GABRA3: variants seen among roughly 807,000 people sequenced by gnomAD.
GABRA3 encodes the protein gamma-aminobutyric acid receptor subunit alpha-3.
In GABRA3, 10 loss-of-function variants were observed where a neutral mutation model predicts 30.1. The observed-to-expected ratio is 0.33, with a 90% CI of 0.20 to 0.56. GABRA3 has a LOEUF of 0.56. Among genes scored for constraint, GABRA3 ranks in the 20% least tolerant of loss-of-function variants. The pLI, the probability that GABRA3 is intolerant of heterozygous loss-of-function variation, is 0.89. For synonymous variants in GABRA3, 151 were observed against 146.8 expected, an observed-to-expected ratio of 1.03 and a Z score of -0.21; for missense variants, 233 against 392.0, an observed-to-expected ratio of 0.59 and a Z score of 3.42.
chrX:152,396,741 C>T (rs764076563), intron 1 of GABRA3, among the ~76,000 whole-genome samples: 2 of 111,913 alleles, frequency 1.8e-5, no homozygotes, highest in South Asian at 3.7e-4. Context: ...CCTTAAGCTC[C>T]GGGACAGGTG....
chrX:152,236,589 G>T (rs1481207601), intron 5 of GABRA3, among the ~76,000 whole-genome samples: 1 of 103,874 alleles, frequency 9.6e-6, no homozygotes, highest in Non-Finnish European at 2.0e-5. Flanking sequence ...CACAATGGTT[G>T]AACTAGTTTA....
chrX:152,196,419 AAAG>A (rs1283927334), intron 8 of GABRA3, among the ~76,000 whole-genome samples: 157 of 108,231 alleles, frequency 1.5e-3, no homozygotes, highest in African/African-American at 4.8e-3. Context: ...AAAAAAAAAA[AAAG>A]AAAGAAAGAA....
intron 5 of GABRA3, among the ~76,000 whole-genome samples, chrX:152,234,312 G>A (rs1270957375): frequency 9.0e-6 from 1 of 110,560 alleles, no homozygotes; most frequent in Non-Finnish European, 1.9e-5. Context: ...CTTTTTAATG[G>A]GGTTATTTTT....
intron 4 of GABRA3, 52 bp from the exon 5 acceptor site, chrX:152,256,050 T>A: frequency 4.4e-6 from 4 of 903,990 alleles, no homozygotes; most frequent in Non-Finnish European, 6.5e-6. Flanking sequence ...TGGTAAGGGC[T>A]CATAGTGCCC....
intron 3 of GABRA3, among the ~76,000 whole-genome samples, chrX:152,307,467 C>A (rs1939736589): frequency 1.8e-5 from 2 of 110,819 alleles, no homozygotes; most frequent in African/African-American, 6.6e-5. Context: ...AAAGAAAGGG[C>A]CAGAATTTCC....
chrX:152,361,682 G>C (rs1370650417), intron 2 of GABRA3, among the ~76,000 whole-genome samples: 1 of 104,431 alleles, frequency 9.6e-6, no homozygotes, highest in East Asian at 3.0e-4. Flanking sequence ...GAGTCTCACT[G>C]TGTGGCCATG....
chrX:152,235,982 T>C (rs1006247642), intron 5 of GABRA3, among the ~76,000 whole-genome samples: 1 of 105,298 alleles, frequency 9.5e-6, no homozygotes, highest in Admixed American at 1.0e-4. Flanking sequence ...TTAGGGTATC[T>C]TTATTTTTTT....
Position 152,208,069 on chromosome X carries a change from C to A in GABRA3, c.710G>T (p.Gly237Val), listed in dbSNP as rs1260106779. 8.3e-7 allele frequency: 1 copy of A among 1,209,614 alleles called. No homozygotes were observed. Among genetic ancestry groups the A allele is most frequent in the Non-Finnish European group, 1.1e-6 (1 of 894,738 alleles). ...AAGGTCATACTGGTTCAAGCGAGAA[C>A]CATCCTGTGCCACTTCCACGGATTT... ...KNKSVEVAQDGSRLNQYDLLG... is the reference protein window; with the variant it reads ...KNKSVEVAQDVSRLNQYDLLG... Residue 237 changes from glycine (G) to valine (V), a missense_variant, in exon 7 of 10, where the codon GGT (glycine) becomes GTT (valine). Transcript: ENST00000370314.
intron 1 of GABRA3, among the ~76,000 whole-genome samples, chrX:152,449,950 A>G (rs1037355809): frequency 8.9e-6 from 1 of 111,918 alleles, no homozygotes; most frequent in African/African-American, 3.3e-5. Flanking sequence ...CCAAACACTC[A>G]GCCCAGAATC....
chrX:152,237,279 C>A (rs1217513142), intron 5 of GABRA3, among the ~76,000 whole-genome samples: 1 of 109,955 alleles, frequency 9.1e-6, no homozygotes, highest in East Asian at 2.9e-4. Context: ...TTGTTTTTCT[C>A]AGGTTTGTCA....
intron 1 of GABRA3, among the ~76,000 whole-genome samples, chrX:152,442,635 AT>A (rs1289147010): frequency 1.8e-4 from 20 of 111,950 alleles, no homozygotes; most frequent in African/African-American, 5.8e-4. Flanking sequence ...AGCTGAGGTA[AT>A]AAAAATTATT....
intron 4 of GABRA3, among the ~76,000 whole-genome samples, chrX:152,283,615 A>G (rs1939236463): frequency 9.0e-6 from 1 of 111,604 alleles, no homozygotes; most frequent in African/African-American, 3.3e-5. Context: ...CAATCATTCC[A>G]AAACAACACA....
At chrX:152,235,546 A>G (rs1938183536) in intron 5 of GABRA3, among the ~76,000 whole-genome samples, 1 of 97,209 alleles carries the variant, frequency 1.0e-5, no homozygotes, top group Admixed American at 1.2e-4. Context: ...GTTGCAGGAT[A>G]CAGAATCAAC....
At chrX:152,305,803 T>C (rs991700334) in intron 3 of GABRA3, among the ~76,000 whole-genome samples, 10 of 111,127 alleles carry the variant, frequency 9.0e-5, no homozygotes, top group South Asian at 3.7e-4. Flanking sequence ...AATACTCCCA[T>C]TCAAATGAGC....
At chrX:152,425,745 C>T (rs1811157749) in intron 1 of GABRA3, among the ~76,000 whole-genome samples, 2 of 110,314 alleles carry the variant, frequency 1.8e-5, no homozygotes, top group Non-Finnish European at 3.8e-5. Flanking sequence ...TGTACTCTCG[C>T]ACCTGGAGGA....
chrX:152,265,986 A>G (rs749076231), intron 4 of GABRA3, among the ~76,000 whole-genome samples: 6 of 111,419 alleles, frequency 5.4e-5, no homozygotes, highest in Non-Finnish European at 1.1e-4. Context: ...GATCAAAGCC[A>G]TAATAAAAAG....
chrX:152,403,884 C>T (rs918664805), intron 1 of GABRA3, among the ~76,000 whole-genome samples: 3 of 110,875 alleles, frequency 2.7e-5, no homozygotes. Context: ...AACCAAGATC[C>T]GGGAGAAAGC....
chrX:152,232,349 T>G (rs1938098050), intron 5 of GABRA3, among the ~76,000 whole-genome samples: 1 of 110,048 alleles, frequency 9.1e-6, no homozygotes, highest in East Asian at 2.9e-4. Flanking sequence ...CGGTTTTTAG[T>G]GTAACTATCA....
At chrX:152,190,064 T>A (rs891634514) in intron 8 of GABRA3, 123 bp from the exon 9 acceptor site, 7 of 477,535 alleles carry the variant, frequency 1.5e-5, no homozygotes, top group Non-Finnish European at 2.4e-5. Flanking sequence ...CCTTTTAAAA[T>A]AAAATAAAAT....
Sources: gnomAD v4.1 joint callset for allele counts (sites outside exome capture counted in the v4.1 genomes callset) on GRCh38, gnomAD v4.1.1 for gene constraint, MANE v1.5 for transcripts, NCBI Gene and HGNC (gene_info 2026-07-23, HGNC 2026-07-21) for gene names.